The following SHPRH variants were observed in gnomAD, a reference collection of about 807,000 sequenced individuals.
The protein encoded by SHPRH is SNF2 histone linker PHD RING helicase, also known as E3 ubiquitin-protein ligase SHPRH.
A neutral mutation model predicts 202.5 loss-of-function variants in SHPRH; 106 were observed. That is an observed-to-expected ratio of 0.52 (90% CI 0.45 to 0.62). The LOEUF (loss-of-function observed/expected upper bound fraction) is 0.62, where lower values mean the gene tolerates loss of function less well. SHPRH is among the 20% of genes least tolerant of loss of function. The pLI is 0.00. For synonymous variants in SHPRH, 729 were observed against 686.0 expected, an observed-to-expected ratio of 1.06 and a Z score of -0.98; for missense variants, 1,710 against 2,020.0, an observed-to-expected ratio of 0.85 and a Z score of 2.94.
intron 24 of SHPRH, among the ~76,000 whole-genome samples, chr6:145,911,428 G>C (rs1178195159): frequency 2.6e-5 from 4 of 152,000 alleles, no homozygotes; most frequent in African/African-American, 9.7e-5. Flanking sequence ...CAGCCAAAAA[G>C]AAATGTTTAA....
At chr6:145,871,021 C>T (rs930395541) in intron 2 of SHPRH, 1 of 152,142 alleles carries the variant, frequency 6.6e-6, no homozygotes, top group Non-Finnish European at 1.5e-5. Context: ...ATGTTAAAAA[C>T]TCTCAATAAA....
chr6:145,882,855 C>T (rs992287570), downstream of SHPRH, among the ~76,000 whole-genome samples: 8 of 152,232 alleles, frequency 5.3e-5, no homozygotes, highest in South Asian at 2.1e-4. Flanking sequence ...TATGCAGAAA[C>T]GATTTCTAAG....
intron 13 of SHPRH, 29 bp downstream of exon 13, chr6:145,934,878 T>C: frequency 6.3e-7 from 1 of 1,577,792 alleles, no homozygotes; most frequent in African/African-American, 1.4e-5. Context: ...ATATACCAAC[T>C]GCAATTAAAA....
At chr6:145,904,352 TA>T (rs1327736226) in intron 25 of SHPRH, 1 of 151,992 alleles carries the variant, frequency 6.6e-6, no homozygotes, top group Non-Finnish European at 1.5e-5. Flanking sequence ...AACAGTAATA[TA>T]AAGAAAAAAA....
At chr6:145,902,249 T>A (rs1445266826) in intron 25 of SHPRH, among the ~76,000 whole-genome samples, 1 of 152,136 alleles carries the variant, frequency 6.6e-6, no homozygotes. Context: ...ATATTTCTAA[T>A]GAAGTTTGGC....
intron 2 of SHPRH, among the ~76,000 whole-genome samples, chr6:145,869,634 AT>A (rs1779962031): frequency 1.3e-5 from 2 of 152,022 alleles, no homozygotes; most frequent in African/African-American, 4.8e-5. Flanking sequence ...TTAGTTGGCT[AT>A]ATTTATGTGG....
rs571729164 is a variant in SHPRH, at chr6:145,913,567, A to G, written c.4255-18T>C. 1.3e-6 allele frequency: 2 copies of G among 1,592,352 alleles called. No homozygotes were observed. The highest frequency in any genetic ancestry group is 1.8e-4 in the Middle Eastern group (1 of 5,642). On this transcript the variant is annotated intron_variant, in intron 23 of 29. Coordinates refer to ENST00000275233, the MANE Select transcript of SHPRH (RefSeq NM_001042683.3). Reference sequence around the variant, plus strand: ...TCTTGAGACTATCCAAAAAAGAATTAAAAAATATATTAGTTACGTTTTTAC... The same window carrying G: ...TCTTGAGACTATCCAAAAAAGAATTGAAAAATATATTAGTTACGTTTTTAC...
At chr6:145,962,340 A>T (rs556960057) in intron 1 of SHPRH, among the ~76,000 whole-genome samples, 1 of 152,350 alleles carries the variant, frequency 6.6e-6, no homozygotes, top group African/African-American at 2.4e-5. Flanking sequence ...AGGGTGAAAC[A>T]AAGATCTCTA....
At position 145,950,448 on chromosome 6, in the gene SHPRH, A is replaced by C; in HGVS notation, c.798T>G (p.Ser266Arg). ...VLEEDEDDPE[S>R]EPEGQDIDEL... is the part of the protein sequence containing the mutation. ...CGTCAATGTCTTGTCCCTCTGGCTC[A>C]CTCTCCGGATCATCTTCATCCTCTT... is the stretch of plus-strand genomic sequence containing the variant. The change falls in exon 4 of 30, where the codon AGT becomes AGG. Residue 266 changes from serine to arginine, a missense_variant. Physicochemically the swap from Ser to Arg is moderately radical, Grantham distance 110 (BLOSUM62 -1). Transcript: ENST00000275233. 6.2e-7 allele frequency: 1 copy of C among 1,612,924 alleles called. No individual in the cohort carries two copies.
intron 11 of SHPRH, among the ~76,000 whole-genome samples, chr6:145,938,547 AAAAT>A (rs1384559393): frequency 2.8e-4 from 43 of 152,352 alleles, no homozygotes; most frequent in African/African-American, 1.0e-3. Context: ...CGAAGACATT[AAAAT>A]AAATAAATGA....
At position 145,954,845 on chromosome 6, in the gene SHPRH, C is replaced by T; in HGVS notation, c.478G>A (p.Val160Ile). ...ATCGGTTCTTTTTTTTGTTTCTCTA[C>T]ATCTTCACCTTTTGAATGAACATAA... ...LIYVHSKGED[V>I]EKQKKEPMSI... The change falls in exon 2 of 30, where the codon GTA (valine) becomes ATA (isoleucine). Residue 160 changes from valine (V) to isoleucine (I), a missense_variant. By Grantham distance (29) the Val-to-Ile change is conservative. Around this residue, in one of 8 missense-constraint regions of SHPRH, gnomAD observed 459 missense variants for 426.5 expected, o/e 1.08. Transcript: ENST00000275233. 1 of 1,613,800 alleles carries T rather than the reference C, an allele frequency of 6.2e-7. No individual in the cohort carries two copies. Among genetic ancestry groups the T allele is most frequent in the Non-Finnish European group, 8.5e-7 (1 of 1,179,842 alleles).
chr6:145,927,335 C>A, intron 14 of SHPRH, 58 bp from the exon 15 acceptor site: 1 of 1,393,668 alleles, frequency 7.2e-7, no homozygotes, highest in South Asian at 1.2e-5. Context: ...TTCCCAATGT[C>A]ATCTAGTTGT....
At chr6:145,942,372 A>G (rs1216685731) in intron 9 of SHPRH, among the ~76,000 whole-genome samples, 1 of 152,202 alleles carries the variant, frequency 6.6e-6, no homozygotes, top group Admixed American at 6.6e-5. Flanking sequence ...TAATATTCCT[A>G]TCCCACACAT....
intron 20 of SHPRH, among the ~76,000 whole-genome samples, chr6:145,921,680 T>G (rs916386867): frequency 6.6e-6 from 1 of 151,938 alleles, no homozygotes; most frequent in Non-Finnish European, 1.5e-5. Context: ...GTGAGGAAAA[T>G]TTCTATTTTA....
chr6:145,935,892 A>G (rs1002201561), intron 11 of SHPRH: 7 of 153,800 alleles, frequency 4.6e-5, no homozygotes, highest in South Asian at 2.0e-4. Context: ...CATACCCTTT[A>G]TCTAATAATT....
chr6:145,892,123 A>ATTCT (rs1444727085), intron 28 of SHPRH, among the ~76,000 whole-genome samples: 1 of 152,178 alleles, frequency 6.6e-6, no homozygotes, highest in Non-Finnish European at 1.5e-5. Context: ...ATGACACAGA[A>ATTCT]GACTTCATCT....
At chr6:145,943,837 T>C (rs1236884089) in intron 8 of SHPRH, 35 bp from the exon 9 acceptor site, 2 of 1,466,672 alleles carry the variant, frequency 1.4e-6, no homozygotes, top group African/African-American at 2.8e-5. Flanking sequence ...TGATTGCAAC[T>C]AGTTGCATTT....
intron 11 of SHPRH, among the ~76,000 whole-genome samples, chr6:145,939,592 C>G (rs1344876136): frequency 6.6e-6 from 1 of 152,074 alleles, no homozygotes; most frequent in African/African-American, 2.4e-5. Context: ...ACCCTCTCAG[C>G]TAACTTTTGA....
chr6:145,891,832 T>C (rs1195775541), intron 28 of SHPRH, among the ~76,000 whole-genome samples: 1 of 152,176 alleles, frequency 6.6e-6, no homozygotes, highest in African/African-American at 2.4e-5. Flanking sequence ...TTTGGACTCG[T>C]GGTTTTAAAT....
Sources: allele counts gnomAD v4.1 joint callset (sites outside exome capture counted in the v4.1 genomes callset), GRCh38; gene constraint gnomAD v4.1.1; regional missense constraint gnomAD v4.1.1; transcripts MANE v1.5; gene names NCBI Gene and HGNC (gene_info 2026-07-23, HGNC 2026-07-21).